Variants in B3GAT2 observed in about 807,000 individuals in gnomAD.
The protein encoded by B3GAT2 is beta-1,3-glucuronyltransferase 2, also known as galactosylgalactosylxylosylprotein 3-beta-glucuronosyltransferase 2.
Under a neutral mutation model 27.8 loss-of-function variants are expected in B3GAT2, and 26 were observed. The observed-to-expected ratio is 0.93, with a 90% CI of 0.68 to 1.30. B3GAT2 has a LOEUF of 1.30. B3GAT2 is among the 50% of genes most tolerant of loss of function. The probability of loss-of-function intolerance (pLI) is 0.00; values close to 1 mark genes in which losing one functional copy is unlikely to be tolerated. For missense variants in B3GAT2, 458 were observed against 459.0 expected (o/e 1.00, Z 0.02); for synonymous variants, 218 against 195.1 (o/e 1.12, Z -0.98).
At chr6:70,862,493 A>G (rs1368543383) in intron 2 of B3GAT2, among the ~76,000 whole-genome samples, 4 of 152,214 alleles carry the variant, frequency 2.6e-5, no homozygotes, top group Non-Finnish European at 5.9e-5. Flanking sequence ...GATTAGCTGG[A>G]AAATGAATCA....
intron 1 of B3GAT2, among the ~76,000 whole-genome samples, chr6:70,925,150 A>G (rs1231344659): frequency 6.6e-6 from 1 of 152,164 alleles, no homozygotes; most frequent in Non-Finnish European, 1.5e-5. Context: ...CTGCCAAACT[A>G]TCCTTGAAAA....
intron 1 of B3GAT2, among the ~76,000 whole-genome samples, chr6:70,944,426 C>T (rs1240954798): frequency 1.7e-5 from 1 of 60,544 alleles, no homozygotes; most frequent in Admixed American, 1.8e-4. Flanking sequence ...AGATTATATC[C>T]CACACATGGC....
chr6:70,951,059 T>G (rs1765571927), intron 1 of B3GAT2, among the ~76,000 whole-genome samples: 1 of 152,144 alleles, frequency 6.6e-6, no homozygotes, highest in Admixed American at 6.5e-5. Flanking sequence ...GAATTTGAGC[T>G]CCATGCAAAA....
chr6:70,909,131 C>T (rs1392793377), intron 1 of B3GAT2, among the ~76,000 whole-genome samples: 2 of 152,126 alleles, frequency 1.3e-5, no homozygotes, highest in Non-Finnish European at 2.9e-5. Flanking sequence ...AACACACACA[C>T]ATTCACACAC....
intron 2 of B3GAT2, among the ~76,000 whole-genome samples, chr6:70,892,376 C>T (rs1003010224): frequency 5.3e-5 from 8 of 152,224 alleles, no homozygotes; most frequent in African/African-American, 1.9e-4. Flanking sequence ...TGATCATCTA[C>T]ATAAAGTTCC....
chr6:70,937,609 A>C (rs1173192310), intron 1 of B3GAT2, among the ~76,000 whole-genome samples: 1 of 151,858 alleles, frequency 6.6e-6, no homozygotes, highest in Non-Finnish European at 1.5e-5. Context: ...TATGCAAATC[A>C]ATAAATGTAA....
chr6:70,871,844 T>C (rs1313044291), intron 2 of B3GAT2, among the ~76,000 whole-genome samples: 3 of 151,976 alleles, frequency 2.0e-5, no homozygotes, highest in Admixed American at 2.0e-4. Context: ...AAGCTATAAA[T>C]GTCCTGCTAA....
chr6:70,897,228 A>C lies in B3GAT2; in HGVS notation c.592-2956T>G, dbSNP rs536484875. 5.9e-5 allele frequency among the ~76,000 whole-genome samples: 8 copies of C among 136,356 alleles called. No individual in the cohort carries two copies. In the South Asian group the frequency reaches 2.0e-3, roughly 33 times the overall value. The allele number at this position is 136,356 out of a possible 152,430, so 89.5% of individuals were successfully genotyped here. Reference sequence around the variant, plus strand: ...GTCAGTTCAAATCTTTCGCACATTCAAAAAAAAAAAGGTTTTCTTACTATT... The same window carrying C: ...GTCAGTTCAAATCTTTCGCACATTCCAAAAAAAAAAGGTTTTCTTACTATT... On this transcript the variant is annotated intron_variant, in intron 1 of 3. Transcript: ENST00000230053.
intron 2 of B3GAT2, among the ~76,000 whole-genome samples, chr6:70,887,354 C>T (rs1344942372): frequency 6.6e-6 from 1 of 152,192 alleles, no homozygotes; most frequent in African/African-American, 2.4e-5. Flanking sequence ...TTCCCACGTC[C>T]CTGCAGAGAG....
At chr6:70,934,249 G>T (rs190366741) in intron 1 of B3GAT2, among the ~76,000 whole-genome samples, 3 of 152,278 alleles carry the variant, frequency 2.0e-5, no homozygotes, top group Admixed American at 6.5e-5. Context: ...TTAAGTTAGG[G>T]AATAAATTCC....
chr6:70,936,883 A>C (rs1264056730), intron 1 of B3GAT2, among the ~76,000 whole-genome samples: 1 of 152,166 alleles, frequency 6.6e-6, no homozygotes, highest in Non-Finnish European at 1.5e-5. Context: ...AGCTAGCAGA[A>C]GGCAAGAAAT....
At chr6:70,932,797 G>A (rs1217555744) in intron 1 of B3GAT2, among the ~76,000 whole-genome samples, 1 of 152,076 alleles carries the variant, frequency 6.6e-6, no homozygotes, top group African/African-American at 2.4e-5. Context: ...GAATAGACAT[G>A]AACTTTTTTC....
chr6:70,949,206 G>C (rs950451048), intron 1 of B3GAT2, among the ~76,000 whole-genome samples: 9 of 151,676 alleles, frequency 5.9e-5, no homozygotes, highest in African/African-American at 1.9e-4. Context: ...TTGACAAATG[G>C]GATCTAATTA....
intron 1 of B3GAT2, among the ~76,000 whole-genome samples, chr6:70,955,425 CCCT>C (rs1765638234): frequency 6.7e-6 from 1 of 149,092 alleles, no homozygotes; most frequent in African/African-American, 2.5e-5. Context: ...CCACCCCCAC[CCCT>C]CCACCGCCAC....
At chr6:70,884,625 T>G (rs1042321096) in intron 2 of B3GAT2, among the ~76,000 whole-genome samples, 1 of 152,102 alleles carries the variant, frequency 6.6e-6, no homozygotes, top group Admixed American at 6.5e-5. Flanking sequence ...GGCATCCACG[T>G]GTGATGGAAA....
In B3GAT2 at chr6:70,860,422, T is replaced by A. The variant is rs1391012718; in HGVS notation, c.*1241A>T. On this transcript the variant is annotated 3_prime_UTR_variant, in exon 4 of 4. Coordinates refer to ENST00000230053, the MANE Select transcript of B3GAT2 (RefSeq NM_080742.3). ...TTCCCCTGTTTATTCATATGCATAT[T>A]TTTTTTCTTTTTACCCATTTGTTCA... is the stretch of plus-strand genomic sequence containing the variant. The A allele has an allele frequency of 6.8e-7, 1 of 1,465,356 alleles. No homozygotes were observed. The highest frequency in any genetic ancestry group is 9.2e-7 in the Non-Finnish European group (1 of 1,092,816). 90.8% of individuals were successfully genotyped at this position (1,465,356 alleles called of 1,614,324 possible). A position where few individuals can be genotyped will look rare whatever the true frequency, so the allele number is the denominator to read the frequency against.
intron 2 of B3GAT2, among the ~76,000 whole-genome samples, chr6:70,884,066 T>C (rs1328757620): frequency 7.6e-6 from 1 of 130,758 alleles, no homozygotes; most frequent in African/African-American, 3.0e-5. Context: ...CTCTTACTCC[T>C]GGGTGCACTT....
intron 1 of B3GAT2, among the ~76,000 whole-genome samples, chr6:70,917,860 GA>G (rs1341477956): frequency 6.6e-6 from 1 of 152,180 alleles, no homozygotes; most frequent in Non-Finnish European, 1.5e-5. Flanking sequence ...GGGCTGAGGA[GA>G]ATGTATATTC....
intron 1 of B3GAT2, among the ~76,000 whole-genome samples, chr6:70,913,287 T>C (rs1368180866): frequency 2.0e-5 from 3 of 152,218 alleles, no homozygotes; most frequent in Non-Finnish European, 4.4e-5. Context: ...AACTTTTTGA[T>C]AGGGGTGTTT....
Sources: allele counts gnomAD v4.1 joint callset (sites outside exome capture counted in the v4.1 genomes callset), GRCh38; gene constraint gnomAD v4.1.1; transcripts MANE v1.5; gene names NCBI Gene and HGNC (gene_info 2026-07-23, HGNC 2026-07-21).